Variants in SAMD3 observed in about 807,000 individuals in gnomAD.
SAMD3 encodes the protein sterile alpha motif domain-containing protein 3.
SAMD3 carries 63 observed loss-of-function variants against 58.5 expected under a neutral mutation model. The ratio of observed to expected loss-of-function variants is 1.08; its 90% CI spans 0.88 to 1.33. SAMD3 has a LOEUF of 1.33. Ranked by LOEUF, SAMD3 falls within the 40% of genes most tolerant of loss-of-function variation. SAMD3 has a pLI of 0.00. For missense variants in SAMD3, 604 were observed against 608.4 expected, an observed-to-expected ratio of 0.99 and a Z score of 0.08; for synonymous variants, 220 against 210.3, an observed-to-expected ratio of 1.05 and a Z score of -0.40.
At chr6:130,328,913 GA>G (rs1441248998) in intron 1 of SAMD3, among the ~76,000 whole-genome samples, 1 of 152,088 alleles carries the variant, frequency 6.6e-6, no homozygotes, top group Non-Finnish European at 1.5e-5. Context: ...GAGTATAAAG[GA>G]AAAATGGCAG....
At chr6:130,308,423 C>CTATT in intron 2 of SAMD3, among the ~76,000 whole-genome samples, 1 of 127,426 alleles carries the variant, frequency 7.8e-6, no homozygotes, top group African/African-American at 2.8e-5. Context: ...CTATTCTATT[C>CTATT]TATTCTATTC....
chr6:130,228,044 T>C (rs1477451864), intron 2 of SAMD3, among the ~76,000 whole-genome samples: 1 of 152,198 alleles, frequency 6.6e-6, no homozygotes, highest in Non-Finnish European at 1.5e-5. Flanking sequence ...CACTTAAGGA[T>C]ACCAGCCTAT....
chr6:130,273,935 C>T (rs959521788), intron 2 of SAMD3, among the ~76,000 whole-genome samples: 16 of 138,326 alleles, frequency 1.2e-4, no homozygotes, highest in Non-Finnish European at 2.2e-4. Flanking sequence ...AATTTACACA[C>T]CATCATTACA....
intron 9 of SAMD3, among the ~76,000 whole-genome samples, chr6:130,147,435 A>G (rs1418822051): frequency 6.6e-6 from 1 of 152,248 alleles, no homozygotes; most frequent in Non-Finnish European, 1.5e-5. Context: ...GGGAAGGATG[A>G]AGGAGGTGAA....
At chr6:130,200,885 T>C (rs1794596923) in intron 5 of SAMD3, among the ~76,000 whole-genome samples, 1 of 152,088 alleles carries the variant, frequency 6.6e-6, no homozygotes, top group African/African-American at 2.4e-5. Context: ...CCTGTTTTTC[T>C]TTCATCCCGC....
At chr6:130,279,941 C>T (rs1774924297) in intron 2 of SAMD3, among the ~76,000 whole-genome samples, 1 of 152,272 alleles carries the variant, frequency 6.6e-6, no homozygotes, top group South Asian at 2.1e-4. Context: ...GGGACATTAT[C>T]TTTGTCTTTC....
At chr6:130,234,699 C>T (rs1191768547) in intron 2 of SAMD3, among the ~76,000 whole-genome samples, 1 of 152,186 alleles carries the variant, frequency 6.6e-6, no homozygotes, top group Non-Finnish European at 1.5e-5. Context: ...TGGTTTCCTC[C>T]CCTACAGATA....
intron 4 of SAMD3, among the ~76,000 whole-genome samples, chr6:130,212,483 G>A (rs965380599): frequency 2.0e-5 from 3 of 152,138 alleles, no homozygotes; most frequent in African/African-American, 7.2e-5. Flanking sequence ...CTTAACACAG[G>A]ACTATTTCAG....
At chr6:130,224,318 C>T (rs945663524), upstream of SAMD3, among the ~76,000 whole-genome samples, 16 of 151,914 alleles carry the variant, frequency 1.1e-4, no homozygotes, top group African/African-American at 2.2e-4. Flanking sequence ...AACATTTGGG[C>T]GTGAAAACAG....
chr6:130,197,691 A>C (rs1028641743), intron 5 of SAMD3, among the ~76,000 whole-genome samples: 3 of 152,048 alleles, frequency 2.0e-5, no homozygotes, highest in Non-Finnish European at 2.9e-5. Flanking sequence ...TGCCACCCCT[A>C]ATCCCGCTCG....
At position 130,184,260 on chromosome 6, in the gene SAMD3, T is replaced by C. The variant is rs1294419665; in HGVS notation, c.570-73A>G. The C allele has an allele frequency of 2.3e-6, 3 of 1,302,622 alleles. No individual in the cohort carries two copies. The Admixed American group carries it at 6.7e-5, about 29-fold the overall frequency. 80.7% of individuals were successfully genotyped at this position (1,302,622 alleles called of 1,614,324 possible). A position where few individuals can be genotyped will look rare whatever the true frequency, so the allele number is the denominator to read the frequency against. On this transcript the variant is annotated intron_variant, in intron 6 of 11. Transcript: ENST00000439090. ...TTCCTTCCTTTAAGATGAGTCTAAT[T>C]ACACTCATTTTTCTTCACATTTTTC...
intron 8 of SAMD3, chr6:130,159,620 A>G (rs1046955420): frequency 6.6e-6 from 1 of 152,212 alleles, no homozygotes; most frequent in African/African-American, 2.4e-5. Flanking sequence ...AGCACTGATC[A>G]TAAGACAAAT....
At chr6:130,157,484 A>G (rs988960219) in intron 8 of SAMD3, among the ~76,000 whole-genome samples, 4 of 152,114 alleles carry the variant, frequency 2.6e-5, no homozygotes, top group African/African-American at 7.2e-5. Context: ...CCATGCCACC[A>G]CATCTGGTTA....
At chr6:130,305,223 T>C (rs1322321058) in intron 2 of SAMD3, among the ~76,000 whole-genome samples, 1 of 152,152 alleles carries the variant, frequency 6.6e-6, no homozygotes, top group Non-Finnish European at 1.5e-5. Flanking sequence ...TTTCTATTTG[T>C]TGCTGGTATA....
intron 1 of SAMD3, among the ~76,000 whole-genome samples, chr6:130,351,175 T>G (rs988050002): frequency 1.4e-4 from 22 of 152,270 alleles, no homozygotes; most frequent in African/African-American, 5.3e-4. Flanking sequence ...GACAAAGACT[T>G]TTTGTCTAAA....
chr6:130,312,541 T>C (rs1776211518), intron 2 of SAMD3, among the ~76,000 whole-genome samples: 1 of 152,162 alleles, frequency 6.6e-6, no homozygotes, highest in African/African-American at 2.4e-5. Flanking sequence ...GTGAAGTAAT[T>C]TTACCCCATT....
chr6:130,180,155 C>T (rs1187783732), intron 7 of SAMD3, among the ~76,000 whole-genome samples: 1 of 151,598 alleles, frequency 6.6e-6, no homozygotes, highest in African/African-American at 2.4e-5. Flanking sequence ...GGGTTTTGCT[C>T]TGTCATCCAG....
At chr6:130,197,238 C>T (rs1323450678) in intron 5 of SAMD3, among the ~76,000 whole-genome samples, 1 of 152,208 alleles carries the variant, frequency 6.6e-6, no homozygotes, top group African/African-American at 2.4e-5. Flanking sequence ...CCAACTTAGA[C>T]TGTGCCCCAA....
At chr6:130,165,299 T>G (rs974828412) in intron 8 of SAMD3, among the ~76,000 whole-genome samples, 5 of 152,092 alleles carry the variant, frequency 3.3e-5, no homozygotes, top group African/African-American at 1.2e-4. Flanking sequence ...TTAAACTAAC[T>G]GACAAAGATA....
Sources: gnomAD v4.1 joint callset for allele counts (sites outside exome capture counted in the v4.1 genomes callset) on GRCh38, gnomAD v4.1.1 for gene constraint, MANE v1.5 for transcripts, NCBI Gene and HGNC (gene_info 2026-07-23, HGNC 2026-07-21) for gene names.